The following GALNTL6 variants were observed in gnomAD, a reference collection of about 807,000 sequenced individuals.
GALNTL6 encodes polypeptide N-acetylgalactosaminyltransferase-like 6.
Under a neutral mutation model 73.7 loss-of-function variants are expected in GALNTL6, and 46 were observed. The ratio of observed to expected loss-of-function variants is 0.62; its 90% CI spans 0.49 to 0.80. GALNTL6 has a LOEUF of 0.80. Ranked by LOEUF, GALNTL6 falls within the 30% of genes least tolerant of loss-of-function variation. The pLI is 0.00. For synonymous variants in GALNTL6, 259 were observed against 263.7 expected, an observed-to-expected ratio of 0.98 and a Z score of 0.17; for missense variants, 604 against 755.0, an observed-to-expected ratio of 0.80 and a Z score of 2.34.
chr4:171,984,974 C>G (rs1740021770), intron 2 of GALNTL6, among the ~76,000 whole-genome samples: 1 of 147,494 alleles, frequency 6.8e-6, no homozygotes, highest in Non-Finnish European at 1.5e-5. Context: ...TAGCAAAATA[C>G]AAAAATAAAA....
intron 2 of GALNTL6, among the ~76,000 whole-genome samples, chr4:172,014,495 T>C (rs967632618): frequency 6.6e-6 from 1 of 152,108 alleles, no homozygotes; most frequent in Non-Finnish European, 1.5e-5. Flanking sequence ...TGTTTTCATA[T>C]ACCTGTTTGC....
At chr4:172,663,077 A>G (rs888408146) in intron 5 of GALNTL6, among the ~76,000 whole-genome samples, 6 of 152,216 alleles carry the variant, frequency 3.9e-5, no homozygotes, top group African/African-American at 1.4e-4. Flanking sequence ...TGTGAAGCCC[A>G]GCAGTAAACA....
intron 2 of GALNTL6, among the ~76,000 whole-genome samples, chr4:172,007,300 T>A (rs1740871316): frequency 6.6e-6 from 1 of 152,104 alleles, no homozygotes; most frequent in African/African-American, 2.4e-5. Context: ...TTGAAATGTG[T>A]TAAATTAGCT....
chr4:172,716,075 A>G (rs1392902262), intron 5 of GALNTL6, among the ~76,000 whole-genome samples: 1 of 150,676 alleles, frequency 6.6e-6, no homozygotes, highest in East Asian at 2.0e-4. Flanking sequence ...CCCCACCCCA[A>G]CAACCCCAGG....
chr4:172,383,933 C>G (rs1224435817), intron 5 of GALNTL6, among the ~76,000 whole-genome samples: 1 of 152,098 alleles, frequency 6.6e-6, no homozygotes, highest in African/African-American at 2.4e-5. Context: ...GATGTTATAT[C>G]AACCTTGCAT....
intron 10 of GALNTL6, among the ~76,000 whole-genome samples, chr4:172,959,434 T>A (rs1039005186): frequency 2.3e-4 from 35 of 151,698 alleles, no homozygotes; most frequent in Admixed American, 1.4e-3. Context: ...TTTTAAGAGG[T>A]TTAGAAGCCT....
intron 2 of GALNTL6, among the ~76,000 whole-genome samples, chr4:171,893,869 C>T (rs1353458170): frequency 6.6e-6 from 1 of 152,034 alleles, no homozygotes. Context: ...AGTGGGATAG[C>T]CAAGAGAGAA....
chr4:172,634,757 T>A (rs995027000), intron 5 of GALNTL6, among the ~76,000 whole-genome samples: 5 of 152,170 alleles, frequency 3.3e-5, no homozygotes, highest in African/African-American at 4.8e-5. Context: ...AAGAATTAGA[T>A]GAGGAAATGT....
At chr4:172,088,357 C>G (rs1412138936) in intron 2 of GALNTL6, among the ~76,000 whole-genome samples, 4 of 151,924 alleles carry the variant, frequency 2.6e-5, no homozygotes, top group Admixed American at 2.6e-4. Flanking sequence ...AGACAAAAAG[C>G]AAATTAATAG....
intron 5 of GALNTL6, among the ~76,000 whole-genome samples, chr4:172,415,180 G>A (rs1225207027): frequency 6.6e-6 from 1 of 152,140 alleles, no homozygotes; most frequent in Non-Finnish European, 1.5e-5. Flanking sequence ...TTACATGGCT[G>A]AGCAACTTTC....
chr4:171,894,376 G>T (rs1295727541), intron 2 of GALNTL6, among the ~76,000 whole-genome samples: 3 of 152,132 alleles, frequency 2.0e-5, no homozygotes, highest in Admixed American at 2.0e-4. Flanking sequence ...ATGCCATTAT[G>T]ATTAATAATT....
intron 2 of GALNTL6, among the ~76,000 whole-genome samples, chr4:171,996,655 T>C (rs13113357): frequency 0.012 from 1,767 of 149,594 alleles, 37 homozygotes; most frequent in African/African-American, 0.04. Context: ...TTTGCTTCCC[T>C]GGGCCACATT....
intron 5 of GALNTL6, among the ~76,000 whole-genome samples, chr4:172,612,400 A>G (rs2111051794): frequency 6.6e-6 from 1 of 152,142 alleles, no homozygotes; most frequent in East Asian, 1.9e-4. Flanking sequence ...ATAGTCTTGG[A>G]GCACATTAAA....
intron 2 of GALNTL6, among the ~76,000 whole-genome samples, chr4:172,050,551 C>T (rs1281348604): frequency 6.6e-6 from 1 of 152,126 alleles, no homozygotes; most frequent in African/African-American, 2.4e-5. Flanking sequence ...GAACAAAGAA[C>T]ATAAGTGGTC....
intron 3 of GALNTL6, among the ~76,000 whole-genome samples, chr4:172,245,346 T>C (rs1737622083): frequency 6.6e-6 from 1 of 152,156 alleles, no homozygotes; most frequent in African/African-American, 2.4e-5. Context: ...TGAAATTCCA[T>C]GAAGTTAGAT....
intron 5 of GALNTL6, among the ~76,000 whole-genome samples, chr4:172,805,180 C>T (rs1236437281): frequency 1.3e-5 from 2 of 152,118 alleles, no homozygotes; most frequent in Admixed American, 1.3e-4. Flanking sequence ...CAGTCAGCAA[C>T]AGGACTAGGA....
intron 2 of GALNTL6, among the ~76,000 whole-genome samples, chr4:172,162,074 T>C (rs1241544781): frequency 2.0e-5 from 3 of 152,080 alleles, no homozygotes; most frequent in African/African-American, 7.2e-5. Context: ...TATACCATAG[T>C]TGGGAGAAAA....
intron 2 of GALNTL6, among the ~76,000 whole-genome samples, chr4:172,016,760 A>G (rs1471061184): frequency 6.6e-6 from 1 of 151,500 alleles, no homozygotes; most frequent in Non-Finnish European, 1.5e-5. Flanking sequence ...TTTTAATTTA[A>G]TTTTTTTATC....
intron 5 of GALNTL6, among the ~76,000 whole-genome samples, chr4:172,499,014 G>A (rs1033193710): frequency 6.6e-6 from 1 of 152,172 alleles, no homozygotes; most frequent in Non-Finnish European, 1.5e-5. Flanking sequence ...AGCCATGCAA[G>A]GTGGGGCTAG....
Sources: allele counts gnomAD v4.1 joint callset (sites outside exome capture counted in the v4.1 genomes callset), GRCh38; gene constraint gnomAD v4.1.1; transcripts MANE v1.5; gene names NCBI Gene and HGNC (gene_info 2026-07-23, HGNC 2026-07-21).